The following PCDHGA1 variants were observed in gnomAD, a reference collection of about 807,000 sequenced individuals.
PCDHGA1 encodes protocadherin gamma subfamily A, 1.
In PCDHGA1, 32 loss-of-function variants were observed where a neutral mutation model predicts 58.0. That is an observed-to-expected ratio of 0.55 (90% CI 0.42 to 0.74). The LOEUF (loss-of-function observed/expected upper bound fraction) is 0.74. Ranked by LOEUF, PCDHGA1 falls within the 30% of genes least tolerant of loss-of-function variation. The pLI is 0.00. For missense variants in PCDHGA1, 1,205 were observed against 1,182.3 expected, an observed-to-expected ratio of 1.02 and a Z score of -0.28; for synonymous variants, 498 against 501.1, an observed-to-expected ratio of 0.99 and a Z score of 0.08.
At chr5:141,483,648 T>TTGTGTGTGTG (rs111458813) in intron 1 of PCDHGA1, among the ~76,000 whole-genome samples, 23 of 149,708 alleles carry the variant, frequency 1.5e-4, no homozygotes, top group African/African-American at 3.9e-4. Context: ...GGGTGTGTGT[T>TTGTGTGTGTG]TGTGTGTGTG....
intron 1 of PCDHGA1, chr5:141,371,621 C>T: frequency 6.2e-7 from 1 of 1,613,986 alleles, no homozygotes; most frequent in Middle Eastern, 1.6e-4. Flanking sequence ...CAGATGGAGC[C>T]CTGGACCGGG....
intron 1 of PCDHGA1, among the ~76,000 whole-genome samples, chr5:141,347,095 C>T (rs938704092): frequency 1.3e-5 from 2 of 149,400 alleles, no homozygotes; most frequent in Non-Finnish European, 3.0e-5. Flanking sequence ...TCCTTCCTTC[C>T]TTCCTCTCTC....
At chr5:141,507,842 C>CT (rs2099864170) in intron 3 of PCDHGA1, among the ~76,000 whole-genome samples, 1 of 152,230 alleles carries the variant, frequency 6.6e-6, no homozygotes, top group Admixed American at 6.5e-5. Flanking sequence ...GGGTCAGGCC[C>CT]TGCTCTCACT....
At chr5:141,398,511 C>A in intron 1 of PCDHGA1, 1 of 1,595,066 alleles carries the variant, frequency 6.3e-7, no homozygotes, top group Non-Finnish European at 8.5e-7. Flanking sequence ...ACATTAATGA[C>A]CACACGCCAA....
chr5:141,410,660 T>C (rs911543817), intron 1 of PCDHGA1: 12 of 1,572,396 alleles, frequency 7.6e-6, no homozygotes, highest in African/African-American at 2.7e-5. Context: ...TCTAATAGTC[T>C]ACTAGTTTCT....
intron 1 of PCDHGA1, among the ~76,000 whole-genome samples, chr5:141,481,555 C>T (rs1013876865): frequency 3.3e-5 from 5 of 152,164 alleles, no homozygotes; most frequent in South Asian, 2.1e-4. Flanking sequence ...CAGTGGCTCA[C>T]GCCTGTAATC....
intron 2 of PCDHGA1, among the ~76,000 whole-genome samples, chr5:141,502,024 C>T (rs2099812413): frequency 2.0e-5 from 3 of 152,152 alleles, no homozygotes; most frequent in Admixed American, 1.3e-4. Context: ...TCCCTGCAAC[C>T]CCCGCCGCTT....
chr5:141,470,721 AG>A (rs948288535), intron 1 of PCDHGA1, among the ~76,000 whole-genome samples: 2 of 152,098 alleles, frequency 1.3e-5, no homozygotes, highest in African/African-American at 4.8e-5. Flanking sequence ...TTTTTGAGTC[AG>A]GGTCTTGCTC....
chr5:141,336,283 A>C (rs1371764886), intron 1 of PCDHGA1, among the ~76,000 whole-genome samples: 1 of 152,204 alleles, frequency 6.6e-6, no homozygotes, highest in Non-Finnish European at 1.5e-5. Flanking sequence ...GAGTAGGCTG[A>C]GGCAGTAGGA....
chr5:141,381,459 T>C (rs565448473), intron 1 of PCDHGA1, among the ~76,000 whole-genome samples: 2 of 152,378 alleles, frequency 1.3e-5, no homozygotes, highest in South Asian at 4.1e-4. Flanking sequence ...TGCATTTTGC[T>C]CAAATGCTGT....
chr5:141,413,656 G>A, intron 1 of PCDHGA1: 1 of 1,613,872 alleles, frequency 6.2e-7, no homozygotes, highest in Non-Finnish European at 8.5e-7. Flanking sequence ...TCTCCCGGAA[G>A]CTATTGATCC....
At chr5:141,475,829 G>A (rs1408248560) in intron 1 of PCDHGA1, 5 of 386,748 alleles carry the variant, frequency 1.3e-5, no homozygotes, top group Non-Finnish European at 2.3e-5. Flanking sequence ...GCGCTAGCGC[G>A]TGTCCTGCTC....
intron 1 of PCDHGA1, chr5:141,409,345 A>G (rs1012428329): frequency 6.2e-7 from 1 of 1,614,020 alleles, no homozygotes; most frequent in Non-Finnish European, 8.5e-7. Flanking sequence ...GAAATGGAGA[A>G]GTCAGGTGTA....
Position 141,356,831 on chromosome 5 carries a change from G to T in PCDHGA1, c.2421+23726G>T, listed in dbSNP as rs763145787. ...GACAGTGGAGACCCTCCACTCAGCA[G>T]CAATGTGTCACTGAGCCTCTTTGTG... On this transcript the variant is annotated intron_variant, in intron 1 of 3. Transcript: ENST00000517417. 40 of 1,614,030 alleles carry T rather than the reference G, an allele frequency of 2.5e-5. No individual in the cohort carries two copies. The highest frequency in any genetic ancestry group is 3.2e-5 in the Non-Finnish European group (38 of 1,180,004).
At chr5:141,459,737 A>T (rs2098974670) in intron 1 of PCDHGA1, among the ~76,000 whole-genome samples, 1 of 152,176 alleles carries the variant, frequency 6.6e-6, no homozygotes, top group African/African-American at 2.4e-5. Flanking sequence ...CAATTTTTTA[A>T]ATTTTAGCAA....
chr5:141,509,810 G>T (rs1272295976), intron 3 of PCDHGA1, among the ~76,000 whole-genome samples: 1 of 152,154 alleles, frequency 6.6e-6, no homozygotes, highest in East Asian at 1.9e-4. Flanking sequence ...ATAGAGCCGA[G>T]CTCTTCTCCA....
At position 141,338,909 on chromosome 5, in the gene PCDHGA1, T is replaced by A. The variant is rs1756788267; in HGVS notation, c.2421+5804T>A. On this transcript the variant is annotated intron_variant, in intron 1 of 3. Transcript: ENST00000517417. The stretch of plus-strand genomic sequence containing the variant: ...GCTGGTTATCTCACACCCTGAGGAA[T>A]AAAGATTGGAATCCGCACTGGATGC... 4 of 1,501,832 alleles carry A rather than the reference T, an allele frequency of 2.7e-6. No homozygotes were observed. The South Asian group carries it at 5.5e-5, about 21-fold the overall frequency. The allele number at this position is 1,501,832 out of a possible 1,614,324, so 93.0% of individuals were successfully genotyped here.
chr5:141,361,499 C>T (rs1762048821), intron 1 of PCDHGA1: 3 of 1,613,948 alleles, frequency 1.9e-6, no homozygotes, highest in South Asian at 1.1e-5. Context: ...TTCCAACAGA[C>T]TTCCTACATG....
intron 2 of PCDHGA1, among the ~76,000 whole-genome samples, chr5:141,503,598 C>CAAAAAAA (rs765754054): frequency 1.5e-5 from 1 of 65,730 alleles, no homozygotes; most frequent in Non-Finnish European, 3.4e-5. Flanking sequence ...GACTCCAGCT[C>CAAAAAAA]AAAAAAAAAA....
Sources: gnomAD v4.1 joint callset for allele counts (sites outside exome capture counted in the v4.1 genomes callset) on GRCh38, gnomAD v4.1.1 for gene constraint, MANE v1.5 for transcripts, NCBI Gene and HGNC (gene_info 2026-07-23, HGNC 2026-07-21) for gene names.